The following NBEA variants were observed in gnomAD, a reference collection of about 807,000 sequenced individuals.
NBEA encodes neurobeachin.
NBEA carries 44 observed loss-of-function variants against 343.4 expected under a neutral mutation model. The observed-to-expected ratio is 0.13, with a 90% CI of 0.10 to 0.16. The LOEUF is 0.16. Among genes scored for constraint, NBEA ranks in the 10% least tolerant of loss-of-function variants. The pLI is 1.00. For missense variants in NBEA, 2,555 were observed against 3,631.3 expected, an observed-to-expected ratio of 0.70 and a Z score of 7.62; for synonymous variants, 1,175 against 1,238.7, an observed-to-expected ratio of 0.95 and a Z score of 1.08.
intron 38 of NBEA, among the ~76,000 whole-genome samples, chr13:35,376,840 A>G (rs939423436): frequency 2.6e-5 from 4 of 152,086 alleles, no homozygotes; most frequent in African/African-American, 9.7e-5. Context: ...GGCTGCAGAA[A>G]AGTTTCTGTA....
intron 17 of NBEA, among the ~76,000 whole-genome samples, chr13:35,138,879 C>T (rs1280210218): frequency 1.3e-5 from 2 of 152,016 alleles, no homozygotes; most frequent in African/African-American, 2.4e-5. Context: ...GTATTCCTCT[C>T]ATCCTGTCAT....
chr13:35,424,112 T>C (rs1013605257), intron 38 of NBEA, among the ~76,000 whole-genome samples: 1 of 152,214 alleles, frequency 6.6e-6, no homozygotes, highest in Non-Finnish European at 1.5e-5. Context: ...ACAATTTGAC[T>C]TCCTCTTTTC....
intron 23 of NBEA, among the ~76,000 whole-genome samples, chr13:35,163,367 G>A (rs1040032627): frequency 1.3e-5 from 2 of 151,870 alleles, no homozygotes; most frequent in African/African-American, 4.8e-5. Context: ...TTAAAAAACA[G>A]TTCAGGCTAG....
intron 43 of NBEA, among the ~76,000 whole-genome samples, chr13:35,551,441 G>A (rs960641427): frequency 2.0e-5 from 3 of 151,984 alleles, no homozygotes; most frequent in African/African-American, 7.2e-5. Flanking sequence ...AAAACCCTGA[G>A]AGTTTATTAA....
chr13:35,489,381 T>TA (rs1408283674), intron 41 of NBEA, among the ~76,000 whole-genome samples: 4 of 151,896 alleles, frequency 2.6e-5, no homozygotes, highest in Non-Finnish European at 4.4e-5. Context: ...CCTACTCTAT[T>TA]GTGTATCAGT....
intron 41 of NBEA, among the ~76,000 whole-genome samples, chr13:35,537,449 G>C (rs1004176290): frequency 4.0e-5 from 6 of 151,132 alleles, no homozygotes; most frequent in Admixed American, 4.0e-4. Context: ...AAGTAATAGA[G>C]ATACAGTAAT....
chr13:35,244,752 G>A (rs144919235), intron 34 of NBEA, among the ~76,000 whole-genome samples: 195 of 152,248 alleles, frequency 1.3e-3, no homozygotes, highest in African/African-American at 4.6e-3. Context: ...CCATGCATGA[G>A]CATGGGATGT....
chr13:35,228,801 A>G (rs529487817), intron 33 of NBEA, among the ~76,000 whole-genome samples: 43 of 152,222 alleles, frequency 2.8e-4, no homozygotes, highest in African/African-American at 9.9e-4. Flanking sequence ...CTTAAGGGGA[A>G]AAAATAGACT....
chr13:35,537,721 G>C (rs1401219306), intron 41 of NBEA, among the ~76,000 whole-genome samples: 2 of 152,086 alleles, frequency 1.3e-5, no homozygotes, highest in Admixed American at 1.3e-4. Flanking sequence ...TCCAGAGAGG[G>C]AAGAATATGT....
chr13:35,644,212 A>G (rs2084107286), intron 49 of NBEA, among the ~76,000 whole-genome samples: 1 of 152,168 alleles, frequency 6.6e-6, no homozygotes, highest in Non-Finnish European at 1.5e-5. Context: ...ATAAACGTTC[A>G]GTGTCGAGAA....
chr13:35,626,960 A>G (rs435729), intron 48 of NBEA, among the ~76,000 whole-genome samples: 141,421 of 152,142 alleles, frequency 0.93, 65,931 homozygotes, highest in East Asian at 1. Flanking sequence ...TTTGAAAGGA[A>G]TAAATCAGGA....
At chr13:34,969,789 T>G (rs1044057322) in intron 1 of NBEA, among the ~76,000 whole-genome samples, 13 of 152,056 alleles carry the variant, frequency 8.5e-5, no homozygotes, top group African/African-American at 3.1e-4. Flanking sequence ...TTTTATCCAG[T>G]CTATCATTGA....
rs531564784 is a variant in NBEA at position 35,540,793 on chromosome 13, T to C, written c.6586-9684T>C. On this transcript the variant is annotated intron_variant, in intron 41 of 58. Transcript: ENST00000379939. ...TTTTTAGGGGATGTATATAATAAGA[T>C]AGATCAATTTAAAAGGACCTGCCAC... Among the ~76,000 whole-genome samples the C allele has an allele frequency of 1.2e-4, 18 of 152,306 alleles. No individual in the cohort carries two copies. In the East Asian group the frequency reaches 3.5e-3, roughly 29 times the overall value.
At chr13:35,351,675 A>C (rs906767661) in intron 37 of NBEA, among the ~76,000 whole-genome samples, 3 of 151,980 alleles carry the variant, frequency 2.0e-5, no homozygotes, top group African/African-American at 4.8e-5. Flanking sequence ...ATATTTTGTG[A>C]ATTAAAATCT....
At chr13:35,545,308 G>A (rs1042923972) in intron 41 of NBEA, among the ~76,000 whole-genome samples, 4 of 152,084 alleles carry the variant, frequency 2.6e-5, no homozygotes, top group African/African-American at 4.8e-5. Context: ...CATCCCCTCC[G>A]GTCATTCTGC....
intron 38 of NBEA, among the ~76,000 whole-genome samples, chr13:35,367,290 C>T (rs148225601): frequency 6.6e-5 from 10 of 151,044 alleles, no homozygotes; most frequent in African/African-American, 1.9e-4. Context: ...TGTATAAGTC[C>T]GCAGAAAAAA....
intron 39 of NBEA, among the ~76,000 whole-genome samples, chr13:35,449,939 G>C (rs2046223351): frequency 6.6e-6 from 1 of 152,156 alleles, no homozygotes; most frequent in Non-Finnish European, 1.5e-5. Context: ...TATGTAGTAG[G>C]AGCTAGGATG....
At chr13:35,296,959 G>A (rs2036172757) in intron 35 of NBEA, among the ~76,000 whole-genome samples, 1 of 151,758 alleles carries the variant, frequency 6.6e-6, no homozygotes, top group African/African-American at 2.4e-5. Context: ...GAGACTCACA[G>A]GAAGTTGCAA....
intron 45 of NBEA, among the ~76,000 whole-genome samples, chr13:35,580,922 C>G (rs534719339): frequency 6.6e-6 from 1 of 152,180 alleles, no homozygotes; most frequent in East Asian, 1.9e-4. Context: ...ATTTACTTTT[C>G]CTTTTCCAGA....
Sources: allele counts gnomAD v4.1 joint callset (sites outside exome capture counted in the v4.1 genomes callset), GRCh38; gene constraint gnomAD v4.1.1; transcripts MANE v1.5; gene names NCBI Gene and HGNC (gene_info 2026-07-23, HGNC 2026-07-21).